Variants in LRRC4C observed in about 807,000 individuals in gnomAD.
LRRC4C encodes the protein leucine rich repeat containing 4C, also known as leucine-rich repeat-containing protein 4C.
In LRRC4C, 5 loss-of-function variants were observed where a neutral mutation model predicts 33.6. That is an observed-to-expected ratio of 0.15 (90% CI 0.08 to 0.31). LRRC4C has a LOEUF of 0.31. LRRC4C is among the 10% of genes least tolerant of loss of function. LRRC4C has a pLI of 1.00. For missense variants in LRRC4C, 560 were observed against 796.7 expected (o/e 0.70, Z 3.58); for synonymous variants, 329 against 302.0 (o/e 1.09, Z -0.93).
intron 2 of LRRC4C, among the ~76,000 whole-genome samples, chr11:40,776,311 A>G (rs1336085737): frequency 1.3e-5 from 2 of 150,946 alleles, no homozygotes; most frequent in African/African-American, 4.9e-5. Flanking sequence ...AATTGGTACC[A>G]GCTCTTCTCT....
intron 5 of LRRC4C, among the ~76,000 whole-genome samples, chr11:40,204,133 CT>C (rs1862972534): frequency 6.6e-6 from 1 of 152,034 alleles, no homozygotes. Context: ...CACCATGTTA[CT>C]TACCCAGGCT....
intron 1 of LRRC4C, among the ~76,000 whole-genome samples, chr11:41,021,466 T>C (rs1015626638): frequency 1.3e-5 from 2 of 152,090 alleles, no homozygotes; most frequent in African/African-American, 4.8e-5. Context: ...ATTTCAAAGA[T>C]ATATACTAAA....
chr11:40,683,156 G>T (rs1274144117), intron 2 of LRRC4C, among the ~76,000 whole-genome samples: 1 of 152,158 alleles, frequency 6.6e-6, no homozygotes, highest in African/African-American at 2.4e-5. Context: ...CGGGAAAGCA[G>T]CAAAGGCTTG....
At chr11:40,623,150 TC>T in intron 3 of LRRC4C, among the ~76,000 whole-genome samples, 1 of 151,836 alleles carries the variant, frequency 6.6e-6, no homozygotes, top group East Asian at 1.9e-4. Context: ...GAGTCAAATC[TC>T]TGTTTTTTTC....
intron 1 of LRRC4C, among the ~76,000 whole-genome samples, chr11:41,384,104 G>T (rs1418720438): frequency 1.3e-5 from 2 of 151,854 alleles, no homozygotes; most frequent in Non-Finnish European, 2.9e-5. Context: ...AAAATGTAAA[G>T]CTGTAATATG....
At chr11:40,610,613 T>C (rs1394505700) in intron 3 of LRRC4C, among the ~76,000 whole-genome samples, 1 of 151,922 alleles carries the variant, frequency 6.6e-6, no homozygotes, top group Non-Finnish European at 1.5e-5. Context: ...TAATTTTATA[T>C]GTAGAAAACA....
chr11:40,898,440 G>T (rs914975117), intron 2 of LRRC4C, among the ~76,000 whole-genome samples: 1 of 149,884 alleles, frequency 6.7e-6, no homozygotes, highest in African/African-American at 2.5e-5. Context: ...TTTTGTTGAA[G>T]ACCAGTTGTG....
intron 1 of LRRC4C, among the ~76,000 whole-genome samples, chr11:41,301,526 T>C (rs1028142022): frequency 1.3e-5 from 2 of 152,142 alleles, no homozygotes; most frequent in African/African-American, 4.8e-5. Flanking sequence ...GAAAAGATAA[T>C]TAAATATTAT....
At chr11:40,476,758 T>C (rs968314270) in intron 3 of LRRC4C, among the ~76,000 whole-genome samples, 1 of 152,206 alleles carries the variant, frequency 6.6e-6, no homozygotes, top group African/African-American at 2.4e-5. Context: ...TATGAAGTTT[T>C]TTCTATTTGG....
intron 3 of LRRC4C, among the ~76,000 whole-genome samples, chr11:40,518,110 C>A (rs747208000): frequency 6.6e-6 from 1 of 152,064 alleles, no homozygotes; most frequent in Non-Finnish European, 1.5e-5. Context: ...AAAATTAACT[C>A]AAGGTGGATT....
At chr11:40,523,337 A>G (rs1955902027) in intron 3 of LRRC4C, among the ~76,000 whole-genome samples, 1 of 151,766 alleles carries the variant, frequency 6.6e-6, no homozygotes, top group Admixed American at 6.6e-5. Flanking sequence ...TTCTTTGCAT[A>G]AATGTCTACT....
intron 1 of LRRC4C, among the ~76,000 whole-genome samples, chr11:41,288,688 G>A (rs553269582): frequency 2.3e-4 from 35 of 152,244 alleles, no homozygotes; most frequent in Middle Eastern, 3.4e-3. Flanking sequence ...AGAAGTCTGG[G>A]CACAACTTAG....
intron 1 of LRRC4C, among the ~76,000 whole-genome samples, chr11:41,366,424 A>T (rs1028037748): frequency 6.6e-6 from 1 of 152,070 alleles, no homozygotes; most frequent in Non-Finnish European, 1.5e-5. Flanking sequence ...CATTTTTTTG[A>T]TATTTATGTT....
At chr11:41,118,807 T>C (rs1942272991) in intron 1 of LRRC4C, among the ~76,000 whole-genome samples, 1 of 152,170 alleles carries the variant, frequency 6.6e-6, no homozygotes, top group African/African-American at 2.4e-5. Flanking sequence ...AATAGCCCTG[T>C]GGAACTTATC....
At chr11:40,336,845 G>T (rs950220938) in intron 3 of LRRC4C, among the ~76,000 whole-genome samples, 1 of 151,050 alleles carries the variant, frequency 6.6e-6, no homozygotes, top group Non-Finnish European at 1.5e-5. Context: ...GGAGTGGCGG[G>T]GGGCGCCTGT....
At chr11:40,396,484 T>C (rs1949545633) in intron 3 of LRRC4C, among the ~76,000 whole-genome samples, 1 of 152,134 alleles carries the variant, frequency 6.6e-6, no homozygotes, top group South Asian at 2.1e-4. Flanking sequence ...GAGGAGTCCA[T>C]GTAATTACTC....
At chr11:41,415,402 C>T (rs374374978) in intron 1 of LRRC4C, among the ~76,000 whole-genome samples, 3 of 152,138 alleles carry the variant, frequency 2.0e-5, no homozygotes, top group Non-Finnish European at 2.9e-5. Context: ...CTGAGCAAAG[C>T]GGTGTAGTGT....
At chr11:41,332,778 G>A (rs1221928925) in intron 1 of LRRC4C, among the ~76,000 whole-genome samples, 1 of 152,144 alleles carries the variant, frequency 6.6e-6, no homozygotes, top group Non-Finnish European at 1.5e-5. Flanking sequence ...CTTGGGGTTT[G>A]CCTCATTCTT....
At chr11:41,436,241 G>T (rs1226127065) in intron 1 of LRRC4C, among the ~76,000 whole-genome samples, 1 of 152,126 alleles carries the variant, frequency 6.6e-6, no homozygotes, top group Non-Finnish European at 1.5e-5. Flanking sequence ...CCCAGGAACA[G>T]TTTTTTCACT....
Sources: allele counts gnomAD v4.1 joint callset (sites outside exome capture counted in the v4.1 genomes callset), GRCh38; gene constraint gnomAD v4.1.1; transcripts MANE v1.5; gene names NCBI Gene and HGNC (gene_info 2026-07-23, HGNC 2026-07-21).